Variants in CD47 observed in about 807,000 individuals in gnomAD.
The protein encoded by CD47 is CD47 molecule, also known as leukocyte surface antigen CD47.
In CD47, 11 loss-of-function variants were observed where a neutral mutation model predicts 44.6. The observed-to-expected ratio is 0.25, with a 90% CI of 0.16 to 0.41. The LOEUF is 0.41. Among genes scored for constraint, CD47 ranks in the 10% least tolerant of loss-of-function variants. CD47 has a pLI of 1.00. For synonymous variants in CD47, 140 were observed against 136.3 expected (o/e 1.03, Z -0.19); for missense variants, 306 against 386.7 (o/e 0.79, Z 1.75).
intron 1 of CD47, among the ~76,000 whole-genome samples, chr3:108,086,734 G>GT (rs1310874194): frequency 4.6e-5 from 7 of 152,076 alleles, no homozygotes; most frequent in African/African-American, 1.2e-4. Flanking sequence ...GGTTCTTGAG[G>GT]TTTTTTGTTT....
chr3:108,063,750 G>C (rs185702940), intron 3 of CD47, among the ~76,000 whole-genome samples: 1 of 152,280 alleles, frequency 6.6e-6, no homozygotes, highest in Non-Finnish European at 1.5e-5. Flanking sequence ...CTTTCAGACG[G>C]CTTGGCAAGG....
chr3:108,066,762 T>A (rs988340886), intron 3 of CD47, among the ~76,000 whole-genome samples: 1 of 152,144 alleles, frequency 6.6e-6, no homozygotes, highest in Non-Finnish European at 1.5e-5. Flanking sequence ...TAGCTGATTG[T>A]GCGAATGTCG....
chr3:108,069,407 T>A (rs898213012), intron 3 of CD47, among the ~76,000 whole-genome samples: 6 of 150,192 alleles, frequency 4.0e-5, no homozygotes, highest in South Asian at 2.1e-4. Context: ...TACCTTTTTT[T>A]AAAAAAAAGA....
intron 3 of CD47, among the ~76,000 whole-genome samples, chr3:108,064,573 T>C (rs9816605): frequency 0.015 from 2,210 of 152,188 alleles, 54 homozygotes; most frequent in African/African-American, 0.05. Context: ...AAGTCTATCA[T>C]GCTAAGTTTC....
intron 7 of CD47, among the ~76,000 whole-genome samples, chr3:108,054,941 G>A (rs1314566168): frequency 2.6e-5 from 4 of 152,022 alleles, no homozygotes; most frequent in South Asian, 2.1e-4. Flanking sequence ...TTATATAAAC[G>A]TTCTCTACAA....
At chr3:108,064,910 T>A (rs2079077340) in intron 3 of CD47, among the ~76,000 whole-genome samples, 1 of 152,224 alleles carries the variant, frequency 6.6e-6, no homozygotes, top group Admixed American at 6.5e-5. Context: ...ATCAGACACC[T>A]TTACACATAA....
Position 108,059,458 on chromosome 3 carries a change from T to C in CD47, c.685A>G (p.Ser229Gly). The C allele has an allele frequency of 6.9e-7, 1 of 1,453,456 alleles. No homozygotes were observed. The highest frequency in any genetic ancestry group is 9.3e-7 in the Non-Finnish European group (1 of 1,073,036). The allele number at this position is 1,453,456 out of a possible 1,614,324, so 90.0% of individuals were successfully genotyped here. The change falls in exon 5 of 11, where the codon AGT (serine) becomes GGT (glycine). Residue 229 changes from serine to glycine, a missense_variant. By Grantham distance (56) the Ser-to-Gly change is moderately conservative. This residue lies in a region of CD47 where 131 missense variants were observed against 135.3 expected (regional missense o/e 0.97). Coordinates refer to ENST00000361309, the MANE Select transcript of CD47 (RefSeq NM_001777.4). ...TGTAACAATGAAAACTCACCTGTAC[T>C]AAACACATAGTAGTGAAGTAATATT... ...ILILLHYYVF[S>G]TAIGLTSFVI...
At chr3:108,059,602 T>A in intron 4 of CD47, 58 bp from the exon 5 acceptor site, 2 of 847,214 alleles carry the variant, frequency 2.4e-6, no homozygotes, top group Non-Finnish European at 3.5e-6. Flanking sequence ...AATGTACTAA[T>A]CTAAATTCTG....
chr3:108,081,829 A>T (rs1041409250), intron 1 of CD47, among the ~76,000 whole-genome samples: 1 of 151,974 alleles, frequency 6.6e-6, no homozygotes, highest in African/African-American at 2.4e-5. Flanking sequence ...TGGCATTTTA[A>T]TGTAATGATA....
At chr3:108,082,383 A>G (rs1271324712) in intron 1 of CD47, among the ~76,000 whole-genome samples, 3 of 152,020 alleles carry the variant, frequency 2.0e-5, no homozygotes, top group African/African-American at 7.2e-5. Context: ...AGGATTCCAA[A>G]AGACTACATT....
chr3:108,075,279 A>G (rs1383781072), intron 2 of CD47, among the ~76,000 whole-genome samples: 1 of 152,186 alleles, frequency 6.6e-6, no homozygotes, highest in Non-Finnish European at 1.5e-5. Flanking sequence ...GGTGTAGTCA[A>G]TGAATAAGTG....
intron 3 of CD47, among the ~76,000 whole-genome samples, chr3:108,069,529 TA>T (rs2079160838): frequency 1.4e-5 from 2 of 141,522 alleles, no homozygotes; most frequent in African/African-American, 5.2e-5. Flanking sequence ...TTTTTTTTTT[TA>T]AATAACTCCC....
chr3:108,072,260 T>C (rs1283075549), intron 2 of CD47, among the ~76,000 whole-genome samples: 1 of 152,206 alleles, frequency 6.6e-6, no homozygotes, highest in Non-Finnish European at 1.5e-5. Flanking sequence ...AGCACTAGCA[T>C]TCCTCTGAAA....
chr3:108,068,643 C>T (rs1214711722), intron 3 of CD47, among the ~76,000 whole-genome samples: 1 of 152,074 alleles, frequency 6.6e-6, no homozygotes, highest in Non-Finnish European at 1.5e-5. Flanking sequence ...GGGCAAATTG[C>T]CTAATCTATC....
intron 2 of CD47, among the ~76,000 whole-genome samples, chr3:108,075,152 C>T (rs965945924): frequency 1.1e-4 from 17 of 152,150 alleles, no homozygotes; most frequent in Non-Finnish European, 1.9e-4. Flanking sequence ...CCTTATTCTA[C>T]CCAAGCTATG....
intron 7 of CD47, among the ~76,000 whole-genome samples, chr3:108,056,492 A>G (rs577752791): frequency 1.3e-5 from 2 of 152,354 alleles, no homozygotes; most frequent in South Asian, 2.1e-4. Context: ...TTATTTGACT[A>G]TAACAATTCA....
In CD47 at chr3:108,067,777, C is replaced by T. The variant is rs552295394; in HGVS notation, c.490+3316G>A. 9.9e-5 allele frequency among the ~76,000 whole-genome samples: 15 copies of T among 152,260 alleles called. 1 individual carries two copies. In the South Asian group the frequency reaches 3.1e-3, roughly 32 times the overall value. On this transcript the variant is annotated intron_variant, in intron 3 of 10. Transcript: ENST00000361309. ...GAGGCCTTTATCTTTGAAACGTGGT[C>T]CAGGGCTCACCAAGTGCTGGCTGGG... is the stretch of plus-strand genomic sequence containing the variant.
intron 1 of CD47, among the ~76,000 whole-genome samples, chr3:108,082,933 G>A (rs2108269423): frequency 6.6e-6 from 1 of 152,042 alleles, no homozygotes; most frequent in South Asian, 2.1e-4. Flanking sequence ...TATCACTCTA[G>A]CTGTTAACTA....
intron 3 of CD47, among the ~76,000 whole-genome samples, chr3:108,069,648 C>T (rs1394609567): frequency 6.6e-6 from 1 of 151,830 alleles, no homozygotes. Flanking sequence ...CAAACTCACT[C>T]CTGGTTCATT....
Sources: gnomAD v4.1 joint callset for allele counts (sites outside exome capture counted in the v4.1 genomes callset) on GRCh38, gnomAD v4.1.1 for gene constraint, gnomAD v4.1.1 regional missense constraint, MANE v1.5 for transcripts, NCBI Gene and HGNC (gene_info 2026-07-23, HGNC 2026-07-21) for gene names.